DAB2IP: variants seen among roughly 807,000 people sequenced by gnomAD.
The protein encoded by DAB2IP is disabled homolog 2-interacting protein.
Under a neutral mutation model 107.2 loss-of-function variants are expected in DAB2IP, and 28 were observed. The ratio of observed to expected loss-of-function variants is 0.26; its 90% CI spans 0.19 to 0.36. DAB2IP has a LOEUF of 0.36. Ranked by LOEUF, DAB2IP falls within the 10% of genes least tolerant of loss-of-function variation. The pLI, the probability that DAB2IP is intolerant of heterozygous loss-of-function variation, is 1.00. For missense variants in DAB2IP, 1,400 were observed against 1,644.7 expected (o/e 0.85, Z 2.57); for synonymous variants, 755 against 706.4 (o/e 1.07, Z -1.09).
chr9:121,761,298 C>T (rs1043262673), intron 6 of DAB2IP, among the ~76,000 whole-genome samples: 2 of 152,250 alleles, frequency 1.3e-5, no homozygotes, highest in African/African-American at 2.4e-5. Flanking sequence ...AGGGGCTGGA[C>T]TTGAGGCCTC....
chr9:121,568,625 G>A (rs993884537), intron 1 of DAB2IP, among the ~76,000 whole-genome samples: 2 of 152,178 alleles, frequency 1.3e-5, no homozygotes, highest in Non-Finnish European at 2.9e-5. Flanking sequence ...GAGGCCAGGG[G>A]CAGACAGCCT....
chr9:121,726,185 G>A (rs1831228778), intron 3 of DAB2IP, among the ~76,000 whole-genome samples: 1 of 152,216 alleles, frequency 6.6e-6, no homozygotes, highest in South Asian at 2.1e-4. Flanking sequence ...TGAAGGTTAA[G>A]TTAGTCGCCA....
chr9:121,602,052 C>A (rs183126162), intron 1 of DAB2IP, among the ~76,000 whole-genome samples: 26 of 152,266 alleles, frequency 1.7e-4, no homozygotes, highest in Non-Finnish European at 2.8e-4. Context: ...CCACTCCCCC[C>A]CAACCCAGGC....
chr9:121,602,495 G>C (rs1418994152), intron 1 of DAB2IP, among the ~76,000 whole-genome samples: 1 of 152,212 alleles, frequency 6.6e-6, no homozygotes, highest in East Asian at 1.9e-4. Flanking sequence ...CTGTGCTCCA[G>C]TGATCCTCCC....
At chr9:121,770,090 C>T (rs540142769) in intron 10 of DAB2IP, among the ~76,000 whole-genome samples, 1 of 152,346 alleles carries the variant, frequency 6.6e-6, no homozygotes, top group South Asian at 2.1e-4. Flanking sequence ...CTGAGGGTGC[C>T]TGCAGTGTGC....
intron 3 of DAB2IP, among the ~76,000 whole-genome samples, chr9:121,724,896 T>C (rs1831145952): frequency 6.6e-6 from 1 of 151,758 alleles, no homozygotes; most frequent in African/African-American, 2.4e-5. Flanking sequence ...ACCCTGGGGA[T>C]TGAGGGGTGA....
intron 8 of DAB2IP, among the ~76,000 whole-genome samples, chr9:121,765,223 G>A (rs898294900): frequency 4.6e-5 from 7 of 152,194 alleles, no homozygotes; most frequent in Non-Finnish European, 1.0e-4. Context: ...TTCCAGGGGG[G>A]CTGGGCATGT....
chr9:121,761,935 A>T (rs1167394437), intron 6 of DAB2IP, among the ~76,000 whole-genome samples: 1 of 152,016 alleles, frequency 6.6e-6, no homozygotes, highest in Non-Finnish European at 1.5e-5. Context: ...CTGGCCTGGG[A>T]AGCGGATTCC....
intron 3 of DAB2IP, among the ~76,000 whole-genome samples, chr9:121,744,987 G>C (rs535314864): frequency 1.3e-5 from 2 of 152,330 alleles, no homozygotes; most frequent in East Asian, 3.9e-4. Flanking sequence ...ACCTGGAAAC[G>C]TAGCTTGGGA....
Position 121,782,574 on chromosome 9 carries a change from G to C in DAB2IP, c.*76G>C, listed in dbSNP as rs1835740853. 6.4e-7 allele frequency: 1 copy of C among 1,565,904 alleles called. No homozygotes were observed. The highest frequency in any genetic ancestry group is 1.3e-5 in the African/African-American group (1 of 74,156). On this transcript the variant is annotated 3_prime_UTR_variant, in exon 16 of 16. Coordinates refer to ENST00000408936, the Ensembl canonical transcript of DAB2IP. This position sits in a 1 kb window ranked among gnomAD's most constrained non-coding sequence, Gnocchi z 6.1. ...CAAGGGCAGGGTCTCGGCCTGGGGA[G>C]GCACCCACGGTTGCAGCCCCAGCGC... is the stretch of plus-strand genomic sequence containing the variant.
At chr9:121,647,678 G>C (rs1039985502), upstream of DAB2IP, among the ~76,000 whole-genome samples, 34 of 152,252 alleles carry the variant, frequency 2.2e-4, no homozygotes, top group African/African-American at 6.7e-4. Flanking sequence ...AGCCAGGAGG[G>C]GGGTGTCTCT....
chr9:121,644,812 G>T (rs1268346579), intron 1 of DAB2IP, among the ~76,000 whole-genome samples: 1 of 152,214 alleles, frequency 6.6e-6, no homozygotes, highest in Non-Finnish European at 1.5e-5. Flanking sequence ...GGGTCACACA[G>T]TGAAGAGGGG....
At chr9:121,691,802 T>C (rs1362268263) in intron 2 of DAB2IP, among the ~76,000 whole-genome samples, 1 of 152,142 alleles carries the variant, frequency 6.6e-6, no homozygotes, top group Non-Finnish European at 1.5e-5. Context: ...TTCCTAGAGA[T>C]TGAATTACCC....
Position 121,760,453 on chromosome 9 carries a change from C to T in DAB2IP, c.1170+14C>T, listed in dbSNP as rs770955631. 83 of 1,571,498 alleles carry T rather than the reference C, an allele frequency of 5.3e-5. No homozygotes were observed. The highest frequency in any genetic ancestry group is 2.6e-4 in the Admixed American group (15 of 57,400). On this transcript the variant is annotated intron_variant, in intron 6 of 15. Coordinates refer to ENST00000408936, the Ensembl canonical transcript of DAB2IP. This position sits in a 1 kb window ranked among gnomAD's most constrained non-coding sequence, Gnocchi z 5.9. Reference sequence around the variant, plus strand: ...GGCAAGGTGAAGGTGCGTGCAGGCCCCTCGGCTCCTGACACAGGCTGGGCG... The same window carrying T: ...GGCAAGGTGAAGGTGCGTGCAGGCCTCTCGGCTCCTGACACAGGCTGGGCG...
intron 3 of DAB2IP, among the ~76,000 whole-genome samples, chr9:121,747,369 A>G (rs1216593310): frequency 7.1e-6 from 1 of 141,814 alleles, no homozygotes; most frequent in Non-Finnish European, 1.5e-5. Flanking sequence ...TTCCCCTGAG[A>G]CAGAGTCTCG....
chr9:121,621,175 A>T (rs1268363890), intron 1 of DAB2IP, among the ~76,000 whole-genome samples: 3 of 151,904 alleles, frequency 2.0e-5, no homozygotes, highest in Non-Finnish European at 4.4e-5. Context: ...CCATTAGGGG[A>T]CAGCCCAGCC....
At chr9:121,586,419 G>C (rs1202724212) in intron 1 of DAB2IP, among the ~76,000 whole-genome samples, 2 of 152,202 alleles carry the variant, frequency 1.3e-5, no homozygotes, top group Admixed American at 1.3e-4. Context: ...GGGAGGGCTT[G>C]AGACGGAAAC....
At chr9:121,609,956 C>T (rs1006498779) in intron 1 of DAB2IP, among the ~76,000 whole-genome samples, 7 of 152,126 alleles carry the variant, frequency 4.6e-5, no homozygotes, top group African/African-American at 1.4e-4. Flanking sequence ...CTCCTGGCGT[C>T]GGTGTGGCTT....
chr9:121,745,011 G>A (rs1832625593), intron 3 of DAB2IP, among the ~76,000 whole-genome samples: 1 of 152,232 alleles, frequency 6.6e-6, no homozygotes, highest in African/African-American at 2.4e-5. Flanking sequence ...TGGATTTTAA[G>A]TATGTTGCTT....
Sources: allele counts gnomAD v4.1 joint callset (sites outside exome capture counted in the v4.1 genomes callset), GRCh38; gene constraint gnomAD v4.1.1; non-coding constraint Gnocchi (gnomAD v3.1); transcripts MANE v1.5; gene names NCBI Gene and HGNC (gene_info 2026-07-23, HGNC 2026-07-21).